The following IRF2 variants were observed in gnomAD, a reference collection of about 807,000 sequenced individuals.
The protein encoded by IRF2 is interferon regulatory factor 2.
Under a neutral mutation model 40.6 loss-of-function variants are expected in IRF2, and 15 were observed. The ratio of observed to expected loss-of-function variants is 0.37; its 90% CI spans 0.25 to 0.57. The LOEUF (loss-of-function observed/expected upper bound fraction) is 0.57. IRF2 is among the 20% of genes least tolerant of loss of function. IRF2 has a pLI of 0.77. For synonymous variants in IRF2, 151 were observed against 165.5 expected, an observed-to-expected ratio of 0.91 and a Z score of 0.67; for missense variants, 317 against 455.7, an observed-to-expected ratio of 0.70 and a Z score of 2.77.
chr4:184,388,763 A>G lies in IRF2; in HGVS notation c.1045T>C (p.Cys349Arg). The G allele has an allele frequency of 6.2e-7, 1 of 1,606,968 alleles. No homozygotes were observed. The highest frequency in any genetic ancestry group is 2.2e-5 in the East Asian group (1 of 44,866). Residue 349 changes from cysteine to arginine, a missense_variant, in exon 9 of 9, where the codon TGT becomes CGT. Physicochemically the swap from Cys to Arg is radical, Grantham distance 180. This residue lies in a region of IRF2 where 262 missense variants were observed against 334.0 expected (regional missense o/e 0.78). Transcript: ENST00000393593. This position sits in a 1 kb window ranked among gnomAD's most constrained non-coding sequence, Gnocchi z 4.6. ...SDITQARVKS[C>R] ...CACCGCGGAGAGTCAGAGGCTTAACAGCTCTTGACGCGGGCCTGGGTGATA... is the reference window on the plus strand; with the variant it reads ...CACCGCGGAGAGTCAGAGGCTTAACGGCTCTTGACGCGGGCCTGGGTGATA...
chr4:184,401,549 A>G (rs1736666044), intron 6 of IRF2, among the ~76,000 whole-genome samples: 1 of 152,214 alleles, frequency 6.6e-6, no homozygotes, highest in Non-Finnish European at 1.5e-5. Flanking sequence ...GGATTATCCT[A>G]CGTGAGGGTG....
In IRF2 at chr4:184,425,085, T is replaced by C. The variant is rs528735642; in HGVS notation, c.87+3893A>G. Among the ~76,000 whole-genome samples the C allele has an allele frequency of 1.1e-4, 16 of 152,276 alleles. No homozygotes were observed. The East Asian group carries it at 1.2e-3, about 11-fold the overall frequency. ...GCTCCCAGCCTGGAGCACTTCACAA[T>C]AAACATGAACACATCCTGAATGCCG... is the stretch of plus-strand genomic sequence containing the variant. On this transcript the variant is annotated intron_variant, in intron 2 of 8. Coordinates refer to ENST00000393593, the MANE Select transcript of IRF2 (RefSeq NM_002199.4).
intron 5 of IRF2, among the ~76,000 whole-genome samples, chr4:184,417,709 ACT>A (rs1427782443): frequency 2.6e-5 from 4 of 152,084 alleles, no homozygotes; most frequent in Non-Finnish European, 5.9e-5. Context: ...GACATTGACC[ACT>A]CTGTCCCCCA....
intron 1 of IRF2, among the ~76,000 whole-genome samples, chr4:184,437,090 C>G (rs960987999): frequency 5.9e-5 from 9 of 152,190 alleles, no homozygotes; most frequent in African/African-American, 1.9e-4. Flanking sequence ...GAGTCTCGCT[C>G]TGTCACCCAG....
intron 1 of IRF2, among the ~76,000 whole-genome samples, chr4:184,447,712 G>A (rs1037585669): frequency 6.6e-6 from 1 of 152,218 alleles, no homozygotes; most frequent in Non-Finnish European, 1.5e-5. Flanking sequence ...TCTCACCGCC[G>A]TGATATTCTT....
intron 1 of IRF2, among the ~76,000 whole-genome samples, chr4:184,434,185 G>GGT (rs2149906482): frequency 6.6e-6 from 1 of 152,212 alleles, no homozygotes; most frequent in East Asian, 1.9e-4. Context: ...AGAGAAGGCA[G>GGT]GTAGCTCAGT....
intron 7 of IRF2, among the ~76,000 whole-genome samples, chr4:184,393,721 G>C (rs780577755): frequency 6.8e-6 from 1 of 146,180 alleles, no homozygotes; most frequent in Non-Finnish European, 1.5e-5. Flanking sequence ...ATCTGAAGTC[G>C]TCAGGAAGAT....
intron 1 of IRF2, among the ~76,000 whole-genome samples, chr4:184,458,375 C>G (rs1445002630): frequency 6.6e-6 from 1 of 152,178 alleles, no homozygotes; most frequent in African/African-American, 2.4e-5. Flanking sequence ...GAGCATGGAT[C>G]TGAAATTTTC....
chr4:184,457,115 C>T lies in IRF2; in HGVS notation c.-7+17264G>A, dbSNP rs114769056. On this transcript the variant is annotated intron_variant, in intron 1 of 8. Coordinates refer to ENST00000393593, the MANE Select transcript of IRF2 (RefSeq NM_002199.4). ...GGAATAATGCCTCCCAAGTATCCCA[C>T]ACGCTAGCCTCTGCGACCTGTGAAT... Among the ~76,000 whole-genome samples the T allele has an allele frequency of 7.0e-3, 1,059 of 152,348 alleles. 13 individuals carry two copies. Among genetic ancestry groups the T allele is most frequent in the African/African-American group, 0.023 (971 of 41,576 alleles).
chr4:184,449,490 C>T (rs139162738), intron 1 of IRF2, among the ~76,000 whole-genome samples: 3 of 152,204 alleles, frequency 2.0e-5, no homozygotes, highest in East Asian at 1.9e-4. Context: ...CAGAGGCCAA[C>T]GCTCAATAAA....
At chr4:184,417,082 T>C (rs1737309329) in intron 5 of IRF2, among the ~76,000 whole-genome samples, 1 of 152,004 alleles carries the variant, frequency 6.6e-6, no homozygotes, top group Non-Finnish European at 1.5e-5. Context: ...ATTACTTCTG[T>C]AAGTCAAAAA....
chr4:184,396,035 A>G (rs574061974), intron 7 of IRF2, among the ~76,000 whole-genome samples: 2 of 152,322 alleles, frequency 1.3e-5, no homozygotes, highest in Admixed American at 6.5e-5. Flanking sequence ...CCAACCCCCT[A>G]AAAAAAGAAG....
chr4:184,392,394 C>T (rs1039667107), intron 7 of IRF2, among the ~76,000 whole-genome samples: 1 of 152,220 alleles, frequency 6.6e-6, no homozygotes, highest in Non-Finnish European at 1.5e-5. Flanking sequence ...AAGTGAAGCT[C>T]GTGTTCTAAA....
At chr4:184,428,732 G>C (rs1172510763) in intron 2 of IRF2, 11 of 541,832 alleles carry the variant, frequency 2.0e-5, no homozygotes, top group Non-Finnish European at 7.1e-6. Flanking sequence ...CCAAGAGGTC[G>C]AGGCTGCAGT....
chr4:184,453,469 A>G (rs1311113697), intron 1 of IRF2, among the ~76,000 whole-genome samples: 2 of 152,262 alleles, frequency 1.3e-5, no homozygotes, highest in Non-Finnish European at 2.9e-5. Flanking sequence ...AAGTGATCCT[A>G]TATTTCCCTT....
intron 1 of IRF2, among the ~76,000 whole-genome samples, chr4:184,455,740 A>C (rs1000280715): frequency 3.9e-5 from 6 of 152,184 alleles, no homozygotes; most frequent in Non-Finnish European, 5.9e-5. Context: ...AAATGACTAC[A>C]AAAAGCATGC....
At chr4:184,442,264 G>A (rs1211099973) in intron 1 of IRF2, among the ~76,000 whole-genome samples, 1 of 152,114 alleles carries the variant, frequency 6.6e-6, no homozygotes. Flanking sequence ...TCCGGACTAG[G>A]AAAACACTCC....
At chr4:184,414,207 C>T (rs190322227) in intron 5 of IRF2, among the ~76,000 whole-genome samples, 2 of 152,310 alleles carry the variant, frequency 1.3e-5, no homozygotes, top group East Asian at 3.9e-4. Context: ...CAACTAGCAC[C>T]CCTCTGTTTT....
intron 1 of IRF2, among the ~76,000 whole-genome samples, chr4:184,449,369 C>A (rs1434141742): frequency 1.3e-5 from 2 of 152,228 alleles, no homozygotes; most frequent in Non-Finnish European, 2.9e-5. Flanking sequence ...TGACAGCAAA[C>A]CTTCTCCATT....
Sources: allele counts gnomAD v4.1 joint callset (sites outside exome capture counted in the v4.1 genomes callset), GRCh38; gene constraint gnomAD v4.1.1; regional missense constraint gnomAD v4.1.1; non-coding constraint Gnocchi (gnomAD v3.1); transcripts MANE v1.5; gene names NCBI Gene and HGNC (gene_info 2026-07-23, HGNC 2026-07-21).